Variants in LCOR observed in about 807,000 individuals in gnomAD.
The protein encoded by LCOR is ligand dependent nuclear receptor corepressor, also known as ligand-dependent corepressor.
Under a neutral mutation model 64.4 loss-of-function variants are expected in LCOR, and 14 were observed. The observed-to-expected ratio is 0.22, with a 90% CI of 0.14 to 0.34. The LOEUF is 0.34. Ranked by LOEUF, LCOR falls within the 10% of genes least tolerant of loss-of-function variation. The pLI, the probability that LCOR is intolerant of heterozygous loss-of-function variation, is 1.00. For missense variants in LCOR, 1,686 were observed against 1,765.3 expected (o/e 0.96, Z 0.80); for synonymous variants, 643 against 642.5 (o/e 1.00, Z -0.01).
At chr10:96,965,535 G>T (rs1168777549) in intron 7 of LCOR, among the ~76,000 whole-genome samples, 1 of 150,370 alleles carries the variant, frequency 6.7e-6, no homozygotes, top group South Asian at 2.1e-4. Flanking sequence ...GGTGGCGGGC[G>T]CCTGTAGTCC....
Position 96,988,426 on chromosome 10 carries a change from T to C in LCOR, c.*3292T>C, listed in dbSNP as rs1287226200. The C allele has an allele frequency of 6.6e-6, 1 of 152,226 alleles. No individual in the cohort carries two copies. The highest frequency in any genetic ancestry group is 1.9e-4 in the East Asian group (1 of 5,186). 9.4% of individuals were successfully genotyped at this position (152,226 alleles called of 1,614,324 possible). A position where few individuals can be genotyped will look rare whatever the true frequency, so the allele number is the denominator to read the frequency against. On this transcript the variant is annotated 3_prime_UTR_variant, in exon 8 of 8. Coordinates refer to ENST00000421806, the MANE Select transcript of LCOR (RefSeq NM_001346516.2). ...GTCTCCTGCTGTATTGTTCCTAAAA[T>C]CGTATGGATAGAAGAGGTGCCCTTA...
At position 96,903,281 on chromosome 10, in the gene LCOR, G is replaced by A. The variant is rs201053301; in HGVS notation, c.-329-3984G>A. 3.9e-5 allele frequency among the ~76,000 whole-genome samples: 6 copies of A among 152,120 alleles called. No individual in the cohort carries two copies. In the East Asian group the frequency reaches 1.2e-3, roughly 29 times the overall value. On this transcript the variant is annotated intron_variant, in intron 2 of 7. Coordinates refer to ENST00000421806, the MANE Select transcript of LCOR (RefSeq NM_001346516.2). ...TACACTAAATTTACTTAGGAATAAA[G>A]TAATTGCAGTCCAACATTACAATGG...
intron 2 of LCOR, among the ~76,000 whole-genome samples, chr10:96,842,270 C>T (rs1266273803): frequency 6.6e-6 from 1 of 152,098 alleles, no homozygotes; most frequent in Non-Finnish European, 1.5e-5. Flanking sequence ...TGGCATGCAC[C>T]TGTAGCCCCA....
chr10:96,850,470 T>TA (rs1435710893), intron 2 of LCOR, among the ~76,000 whole-genome samples: 7 of 152,144 alleles, frequency 4.6e-5, no homozygotes, highest in Admixed American at 6.5e-5. Flanking sequence ...TAAGAAGAGA[T>TA]ATGGCATTAA....
chr10:96,936,816 C>T (rs1186198497), intron 4 of LCOR, among the ~76,000 whole-genome samples: 1 of 151,124 alleles, frequency 6.6e-6, no homozygotes, highest in East Asian at 1.9e-4. Flanking sequence ...CAGATCGTAC[C>T]AAACTCTATA....
In LCOR at chr10:96,949,209, C is replaced by T. The variant is rs756133931; in HGVS notation, c.152C>T (p.Pro51Leu). 2.5e-6 allele frequency: 4 copies of T among 1,614,002 alleles called. No homozygotes were observed. Among genetic ancestry groups the T allele is most frequent in the Non-Finnish European group, 3.4e-6 (4 of 1,180,006 alleles). The change falls in exon 6 of 8, where the codon CCT (proline) becomes CTT (leucine). Residue 51 changes from proline (P) to leucine (L), a missense_variant. Pro to Leu is a moderately conservative substitution (Grantham distance 98). Transcript: ENST00000421806. ...TSPTAATTQN[P>L]VLSKLLMADQ... ...CCCACGGCTGCAACTACTCAGAACC[C>T]TGTGCTCAGCAAACTTCTCATGGCT...
chr10:96,970,135 C>T (rs924338952), intron 7 of LCOR, among the ~76,000 whole-genome samples: 11 of 151,334 alleles, frequency 7.3e-5, no homozygotes, highest in African/African-American at 2.7e-4. Flanking sequence ...CGGTGGGTCA[C>T]GCCTGTAATC....
At chr10:96,941,401 C>G (rs1847471925) in intron 4 of LCOR, among the ~76,000 whole-genome samples, 1 of 146,522 alleles carries the variant, frequency 6.8e-6, no homozygotes, top group Non-Finnish European at 1.5e-5. Flanking sequence ...GGGCGGCTGG[C>G]CGGGCAGGGG....
chr10:96,947,047 A>G (rs1393513604), intron 5 of LCOR, among the ~76,000 whole-genome samples: 18 of 152,106 alleles, frequency 1.2e-4, no homozygotes, highest in Admixed American at 1.2e-3. Flanking sequence ...CTTAACTGGA[A>G]CGTTAAATGA....
In LCOR at chr10:96,952,179, C is replaced by A; in HGVS notation, c.315C>A (p.Ser105=). 1 of 1,613,398 alleles carries A rather than the reference C, an allele frequency of 6.2e-7. No individual in the cohort carries two copies. The highest frequency in any genetic ancestry group is 8.5e-7 in the Non-Finnish European group (1 of 1,179,338). ...CCCTGAGCCACTCTCCAGGCTGCTCCAGTACTCAAGGGAACGGGTAAGGGA... is the reference window on the plus strand; with the variant it reads ...CCCTGAGCCACTCTCCAGGCTGCTCAAGTACTCAAGGGAACGGGTAAGGGA... ...STSLSHSPGC[S]STQGNGENST... The change falls in exon 7 of 8, where the codon TCC becomes TCA. Residue 105 remains serine (S), a synonymous_variant. Transcript: ENST00000421806.
intron 4 of LCOR, among the ~76,000 whole-genome samples, chr10:96,919,397 C>G (rs1421841860): frequency 6.6e-6 from 1 of 152,064 alleles, no homozygotes; most frequent in African/African-American, 2.4e-5. Context: ...ATTATGAAAG[C>G]TTGTATTTGT....
intron 2 of LCOR, among the ~76,000 whole-genome samples, chr10:96,903,957 G>T (rs1052405401): frequency 2.0e-5 from 3 of 152,124 alleles, no homozygotes; most frequent in African/African-American, 7.2e-5. Flanking sequence ...TGTTTAGATA[G>T]CCTGTGACAA....
intron 2 of LCOR, among the ~76,000 whole-genome samples, chr10:96,871,579 A>AT (rs796092511): frequency 0.23 from 32,116 of 140,032 alleles, 4,167 homozygotes; most frequent in African/African-American, 0.36. Context: ...CGCCTGGCTA[A>AT]TTTTTTTTTT....
chr10:96,857,026 T>G (rs1263361130), intron 2 of LCOR, among the ~76,000 whole-genome samples: 1 of 151,736 alleles, frequency 6.6e-6, no homozygotes, highest in Non-Finnish European at 1.5e-5. Flanking sequence ...TCTCTTACTC[T>G]TTTTTTTAGT....
chr10:96,957,640 GA>G, intron 7 of LCOR: 1 of 985,382 alleles, frequency 1.0e-6, no homozygotes, highest in Non-Finnish European at 1.2e-6. Flanking sequence ...CTAACAGTTT[GA>G]GGGGAGGTCC....
chr10:96,893,790 A>T (rs951163692), intron 2 of LCOR, among the ~76,000 whole-genome samples: 3 of 152,092 alleles, frequency 2.0e-5, no homozygotes, highest in Non-Finnish European at 2.9e-5. Context: ...AAATTGTCCA[A>T]GGTTATAGAG....
intron 2 of LCOR, among the ~76,000 whole-genome samples, chr10:96,881,233 A>T (rs1846257746): frequency 1.3e-5 from 2 of 152,194 alleles, no homozygotes; most frequent in East Asian, 1.9e-4. Flanking sequence ...TGGCCTCATT[A>T]TCTGACTCTA....
intron 7 of LCOR, among the ~76,000 whole-genome samples, chr10:96,980,418 G>A (rs570407164): frequency 8.1e-4 from 123 of 152,230 alleles, no homozygotes; most frequent in Admixed American, 1.2e-3. Flanking sequence ...TACTTTTAAC[G>A]TATGAAGAAT....
chr10:96,960,566 T>C (rs1847863861), intron 7 of LCOR: 1 of 152,186 alleles, frequency 6.6e-6, no homozygotes, highest in African/African-American at 2.4e-5. Flanking sequence ...TGCTCCACTT[T>C]ATGTTTTTTA....
Sources: gnomAD v4.1 joint callset for allele counts (sites outside exome capture counted in the v4.1 genomes callset) on GRCh38, gnomAD v4.1.1 for gene constraint, MANE v1.5 for transcripts, NCBI Gene and HGNC (gene_info 2026-07-23, HGNC 2026-07-21) for gene names.